RGS6: variants seen among roughly 807,000 people sequenced by gnomAD.
RGS6 encodes the protein regulator of G-protein signaling 6.
A neutral mutation model predicts 78.5 loss-of-function variants in RGS6; 30 were observed. The observed-to-expected ratio is 0.38, with a 90% CI of 0.29 to 0.52. The LOEUF (loss-of-function observed/expected upper bound fraction) is 0.52. RGS6 is among the 20% of genes least tolerant of loss of function. The pLI is 0.85. For synonymous variants in RGS6, 206 were observed against 206.0 expected, an observed-to-expected ratio of 1.00 and a Z score of 0.00; for missense variants, 495 against 609.7, an observed-to-expected ratio of 0.81 and a Z score of 1.98.
chr14:72,188,034 T>C (rs569287562), intron 2 of RGS6, among the ~76,000 whole-genome samples: 9 of 152,306 alleles, frequency 5.9e-5, no homozygotes, highest in African/African-American at 2.2e-4. Flanking sequence ...TTCTGCTTTT[T>C]TTTTTGGTGA....
chr14:72,593,770 A>G, the RGS6 span, among the ~76,000 whole-genome samples: 2 of 152,048 alleles, frequency 1.3e-5, no homozygotes, highest in African/African-American at 4.8e-5. Flanking sequence ...TGTTTCCCAA[A>G]CATCTCCAGT....
chr14:72,171,410 C>A (rs1016923518), intron 2 of RGS6, among the ~76,000 whole-genome samples: 3 of 152,148 alleles, frequency 2.0e-5, no homozygotes, highest in Non-Finnish European at 4.4e-5. Context: ...AAAGAGGATT[C>A]TTTGAAGCTC....
intron 3 of RGS6, among the ~76,000 whole-genome samples, chr14:72,359,489 C>T (rs542041184): frequency 8.0e-4 from 121 of 152,182 alleles, no homozygotes; most frequent in African/African-American, 2.8e-3. Context: ...AGTAAGTATT[C>T]CAGTATGTGG....
At chr14:72,527,897 C>T (rs2097137817) in intron 15 of RGS6, among the ~76,000 whole-genome samples, 1 of 152,174 alleles carries the variant, frequency 6.6e-6, no homozygotes, top group Admixed American at 6.5e-5. Context: ...AGAGATGAGG[C>T]ACACACACCT....
chr14:72,002,075 G>C (rs1208891666), intron 2 of RGS6, among the ~76,000 whole-genome samples: 1 of 151,590 alleles, frequency 6.6e-6, no homozygotes, highest in Non-Finnish European at 1.5e-5. Flanking sequence ...GCTAATTTTT[G>C]TATTTTTTGT....
intron 17 of RGS6, among the ~76,000 whole-genome samples, chr14:72,541,985 A>G (rs1293281752): frequency 6.6e-6 from 1 of 152,202 alleles, no homozygotes; most frequent in Non-Finnish European, 1.5e-5. Context: ...AGAAAGCACC[A>G]AGACACCCCT....
At chr14:71,879,599 A>G in the RGS6 span, among the ~76,000 whole-genome samples, 1 of 152,198 alleles carries the variant, frequency 6.6e-6, no homozygotes, top group Non-Finnish European at 1.5e-5. Context: ...AAGTCTCACA[A>G]GATCTGATGG....
intron 2 of RGS6, among the ~76,000 whole-genome samples, chr14:72,274,187 C>T (rs7144185): frequency 0.53 from 80,333 of 152,080 alleles, 23,054 homozygotes; most frequent in Non-Finnish European, 0.64. Flanking sequence ...ACCAGGACCA[C>T]GTACTAGGAT....
At chr14:72,435,703 C>T (rs2094872871) in intron 3 of RGS6, among the ~76,000 whole-genome samples, 1 of 152,018 alleles carries the variant, frequency 6.6e-6, no homozygotes, top group African/African-American at 2.4e-5. Context: ...TCAAAGCCAG[C>T]AGCTCTCTGG....
intron 9 of RGS6, among the ~76,000 whole-genome samples, 153 bp downstream of exon 9, chr14:72,473,106 T>G (rs996905368): frequency 6.6e-6 from 1 of 152,210 alleles, no homozygotes; most frequent in Non-Finnish European, 1.5e-5. Context: ...ATTTATATAA[T>G]CTCAGTAAAT....
At chr14:72,418,831 A>G (rs535563253) in intron 3 of RGS6, among the ~76,000 whole-genome samples, 24 of 152,382 alleles carry the variant, frequency 1.6e-4, no homozygotes, top group African/African-American at 5.5e-4. Flanking sequence ...CCATAGCACC[A>G]TATAGATAAG....
chr14:72,253,227 A>G (rs2056261059), intron 2 of RGS6, among the ~76,000 whole-genome samples: 1 of 152,254 alleles, frequency 6.6e-6, no homozygotes, highest in African/African-American at 2.4e-5. Context: ...TGAGAATGGC[A>G]TATTACCATA....
intron 3 of RGS6, among the ~76,000 whole-genome samples, chr14:72,391,111 G>A (rs2089869003): frequency 6.6e-6 from 1 of 152,160 alleles, no homozygotes; most frequent in Non-Finnish European, 1.5e-5. Flanking sequence ...GCTTTTCTTA[G>A]ATAAATTGCC....
chr14:72,137,206 A>G (rs1407406552), intron 2 of RGS6, among the ~76,000 whole-genome samples: 1 of 152,210 alleles, frequency 6.6e-6, no homozygotes, highest in Non-Finnish European at 1.5e-5. Flanking sequence ...CCAGTTTTCC[A>G]CATTGACATT....
At chr14:72,240,178 A>G (rs1356896565) in intron 2 of RGS6, among the ~76,000 whole-genome samples, 1 of 152,140 alleles carries the variant, frequency 6.6e-6, no homozygotes, top group East Asian at 1.9e-4. Context: ...TTGAGTTTTC[A>G]GTTTGAGGGA....
chr14:72,366,440 G>T (rs2082460585), intron 3 of RGS6, among the ~76,000 whole-genome samples: 2 of 152,106 alleles, frequency 1.3e-5, no homozygotes, highest in Non-Finnish European at 2.9e-5. Context: ...AGCTGTAAGG[G>T]GTGAGGTTTA....
intron 2 of RGS6, among the ~76,000 whole-genome samples, chr14:72,237,810 G>A (rs1265455867): frequency 6.6e-6 from 1 of 152,150 alleles, no homozygotes; most frequent in Non-Finnish European, 1.5e-5. Flanking sequence ...ACTGGTACTG[G>A]TCAACGGCAG....
At chr14:71,926,540 C>T in the RGS6 span, among the ~76,000 whole-genome samples, 6 of 144,788 alleles carry the variant, frequency 4.1e-5, no homozygotes, top group Admixed American at 1.4e-4. Context: ...GCCAAGATAG[C>T]GCCATTGCAC....
chr14:71,983,730 C>T (rs930623957), intron 2 of RGS6, among the ~76,000 whole-genome samples: 2 of 152,162 alleles, frequency 1.3e-5, no homozygotes, highest in Non-Finnish European at 2.9e-5. Flanking sequence ...CATCCCCATA[C>T]CCCCAATTGA....
Sources: allele counts gnomAD v4.1 joint callset (sites outside exome capture counted in the v4.1 genomes callset), GRCh38; gene constraint gnomAD v4.1.1; transcripts MANE v1.5; gene names NCBI Gene and HGNC (gene_info 2026-07-23, HGNC 2026-07-21).